The following PPM1L variants were observed in gnomAD, a reference collection of about 807,000 sequenced individuals.
The protein encoded by PPM1L is protein phosphatase 1L.
In PPM1L, 13 loss-of-function variants were observed where a neutral mutation model predicts 31.4. That is an observed-to-expected ratio of 0.41 (90% confidence interval 0.27 to 0.66). The LOEUF (loss-of-function observed/expected upper bound fraction) is 0.66. Among genes scored for constraint, PPM1L ranks in the 30% least tolerant of loss-of-function variants. The pLI is 0.29. For synonymous variants in PPM1L, 184 were observed against 175.4 expected (o/e 1.05, Z -0.39); for missense variants, 326 against 453.7 (o/e 0.72, Z 2.56).
chr3:160,807,503 C>T (rs188298478), intron 1 of PPM1L, among the ~76,000 whole-genome samples: 2 of 152,158 alleles, frequency 1.3e-5, no homozygotes, highest in African/African-American at 4.8e-5. Context: ...AATTGCTTTT[C>T]TTTCTTCCAT....
chr3:160,801,322 A>G (rs911678174), intron 1 of PPM1L, among the ~76,000 whole-genome samples: 4 of 152,218 alleles, frequency 2.6e-5, no homozygotes, highest in Non-Finnish European at 5.9e-5. Flanking sequence ...GAATACGAAC[A>G]TAAAACCTTT....
chr3:161,047,048 G>C lies in PPM1L; in HGVS notation c.575-18355G>C, dbSNP rs1234162842. Among the ~76,000 whole-genome samples, 5 of 152,226 alleles carry C rather than the reference G, an allele frequency of 3.3e-5. No individual in the cohort carries two copies. The East Asian group carries it at 7.7e-4, about 23-fold the overall frequency. ...CTGGCACAAGACAGGGACACCCTCT[G>C]TCACCACGCCTATTCAACATAGTGT... On this transcript the variant is annotated intron_variant, in intron 2 of 3. Coordinates refer to ENST00000498165, the MANE Select transcript of PPM1L (RefSeq NM_139245.4).
intron 2 of PPM1L, among the ~76,000 whole-genome samples, chr3:161,057,097 C>T (rs1205366182): frequency 1.3e-5 from 2 of 152,014 alleles, no homozygotes. Flanking sequence ...ATGACTAAGG[C>T]ATCTCCCTGG....
chr3:160,849,149 C>T (rs1480198669), intron 1 of PPM1L, among the ~76,000 whole-genome samples: 1 of 152,150 alleles, frequency 6.6e-6, no homozygotes, highest in Non-Finnish European at 1.5e-5. Flanking sequence ...CTGGTCCTGG[C>T]ATTTCCAGAA....
intron 1 of PPM1L, among the ~76,000 whole-genome samples, chr3:160,892,156 T>A (rs902133496): frequency 2.0e-5 from 3 of 151,988 alleles, no homozygotes; most frequent in African/African-American, 7.2e-5. Flanking sequence ...AAAATGGAAA[T>A]ATATGAGGCT....
chr3:160,892,134 TTAAAA>T (rs1440872472), intron 1 of PPM1L, among the ~76,000 whole-genome samples: 24 of 152,120 alleles, frequency 1.6e-4, no homozygotes, highest in Non-Finnish European at 3.2e-4. Flanking sequence ...ATCCCGGAAC[TTAAAA>T]TAAAATAAAA....
intron 1 of PPM1L, among the ~76,000 whole-genome samples, chr3:160,862,182 T>A (rs1197721536): frequency 2.0e-5 from 3 of 152,184 alleles, no homozygotes; most frequent in African/African-American, 7.2e-5. Flanking sequence ...AGTATTTCAC[T>A]CACTCCCAAA....
chr3:160,953,530 CT>C (rs1397787669), intron 1 of PPM1L, among the ~76,000 whole-genome samples: 1 of 152,116 alleles, frequency 6.6e-6, no homozygotes, highest in African/African-American at 2.4e-5. Context: ...GACCTTGACA[CT>C]TTTTTTCCCA....
chr3:161,068,141 A>G (rs778059120), intron 3 of PPM1L, among the ~76,000 whole-genome samples: 2 of 152,214 alleles, frequency 1.3e-5, no homozygotes, highest in African/African-American at 2.4e-5. Context: ...GACTGTGCCA[A>G]ATGACTTATG....
chr3:160,867,602 T>A lies in PPM1L; in HGVS notation c.400-94134T>A, dbSNP rs912118779. Reference sequence around the variant, plus strand: ...ATTTTGTTCTGAATTATATATTTTTTAATCAATATTGCAAACAGACAACTG... The same window carrying A: ...ATTTTGTTCTGAATTATATATTTTTAAATCAATATTGCAAACAGACAACTG... On this transcript the variant is annotated intron_variant, in intron 1 of 3. Transcript: ENST00000498165. 1.4e-4 allele frequency among the ~76,000 whole-genome samples: 21 copies of A among 152,212 alleles called. 1 individual carries two copies. Among genetic ancestry groups the A allele is most frequent in the Admixed American group, 1.2e-3 (18 of 15,276 alleles).
chr3:160,777,748 TTATC>T (rs970544464), intron 1 of PPM1L, among the ~76,000 whole-genome samples: 51 of 152,336 alleles, frequency 3.3e-4, no homozygotes, highest in Middle Eastern at 3.4e-3. Flanking sequence ...CACATTTTGT[TTATC>T]CATTCATTCA....
chr3:160,903,201 T>TGGG (rs746985768), intron 1 of PPM1L, among the ~76,000 whole-genome samples: 14 of 88,606 alleles, frequency 1.6e-4, no homozygotes, highest in African/African-American at 5.7e-4. Context: ...GTGGTATGTG[T>TGGG]GTATGTTTGT....
chr3:161,058,630 GGATAA>G (rs1719489871), intron 2 of PPM1L, among the ~76,000 whole-genome samples: 1 of 151,998 alleles, frequency 6.6e-6, no homozygotes, highest in African/African-American at 2.4e-5. Flanking sequence ...TGGGCGTGAA[GGATAA>G]GATATTTGAG....
chr3:160,756,752 C>CTGT lies in PPM1L; in HGVS notation c.399+45_399+46insTGT. The CTGT allele has an allele frequency of 9.8e-7, 1 of 1,015,434 alleles. No homozygotes were observed. Among genetic ancestry groups the CTGT allele is most frequent in the Non-Finnish European group, 1.4e-6 (1 of 700,084 alleles). 62.9% of individuals were successfully genotyped at this position (1,015,434 alleles called of 1,614,324 possible). On this transcript the variant is annotated intron_variant, in intron 1 of 3. Coordinates refer to ENST00000498165, the MANE Select transcript of PPM1L (RefSeq NM_139245.4). The surrounding 1 kb of genome is among the most constrained non-coding windows in gnomAD (Gnocchi z 6.2). ...TTTGTATTTGTGTCCGTGTATGTCT[C>CTGT]GTGTGTGTGTGTGTGTGTGTGTGTG... is the stretch of plus-strand genomic sequence containing the variant.
At chr3:161,062,965 C>T (rs1719618348) in intron 2 of PPM1L, among the ~76,000 whole-genome samples, 1 of 152,130 alleles carries the variant, frequency 6.6e-6, no homozygotes, top group African/African-American at 2.4e-5. Context: ...CGGCGACATG[C>T]TCACCTAGAA....
intron 1 of PPM1L, among the ~76,000 whole-genome samples, chr3:160,775,400 A>C (rs956583290): frequency 6.6e-6 from 1 of 152,204 alleles, no homozygotes; most frequent in African/African-American, 2.4e-5. Context: ...AATGGAAATA[A>C]ATTGAGGAGA....
At chr3:160,955,819 T>A (rs899676142) in intron 1 of PPM1L, among the ~76,000 whole-genome samples, 1 of 150,686 alleles carries the variant, frequency 6.6e-6, no homozygotes, top group Non-Finnish European at 1.5e-5. Context: ...TCCGGATAAT[T>A]TTTTTTTTGT....
intron 1 of PPM1L, among the ~76,000 whole-genome samples, chr3:160,846,090 A>C (rs1714065667): frequency 6.6e-6 from 1 of 152,158 alleles, no homozygotes; most frequent in South Asian, 2.1e-4. Flanking sequence ...ATTATCTTCC[A>C]ATAAAGAAAA....
intron 1 of PPM1L, among the ~76,000 whole-genome samples, chr3:160,896,612 G>A (rs537605262): frequency 1.1e-3 from 165 of 152,302 alleles, no homozygotes; most frequent in African/African-American, 3.9e-3. Context: ...TGCAGAAGCC[G>A]TTGTGAGCAG....
Sources: allele counts gnomAD v4.1 joint callset (sites outside exome capture counted in the v4.1 genomes callset), GRCh38; gene constraint gnomAD v4.1.1; non-coding constraint Gnocchi (gnomAD v3.1); transcripts MANE v1.5; gene names NCBI Gene and HGNC (gene_info 2026-07-23, HGNC 2026-07-21).